The following ERC2 variants were observed in gnomAD, a reference collection of about 807,000 sequenced individuals.
ERC2 encodes ELKS/RAB6-interacting/CAST family member 2.
In ERC2, 42 loss-of-function variants were observed where a neutral mutation model predicts 114.8. The observed-to-expected ratio is 0.37, with a 90% CI of 0.29 to 0.47. The LOEUF is 0.47. Among genes scored for constraint, ERC2 ranks in the 20% least tolerant of loss-of-function variants. The pLI is 0.99. For synonymous variants in ERC2, 454 were observed against 425.5 expected (o/e 1.07, Z -0.82); for missense variants, 939 against 1,150.7 (o/e 0.82, Z 2.66).
intron 3 of ERC2, among the ~76,000 whole-genome samples, chr3:56,283,455 AC>A (rs1287693977): frequency 6.6e-6 from 1 of 152,068 alleles, no homozygotes; most frequent in Admixed American, 6.5e-5. Flanking sequence ...ACATAGTAAG[AC>A]CCCATCTAAA....
At chr3:55,937,349 A>AAAAAC (rs1303391543) in intron 13 of ERC2, among the ~76,000 whole-genome samples, 1 of 152,316 alleles carries the variant, frequency 6.6e-6, no homozygotes, top group East Asian at 1.9e-4. Context: ...ACTCCGTCTC[A>AAAAAC]AAAACAAAAC....
At chr3:55,760,590 T>A (rs1443168064) in intron 14 of ERC2, among the ~76,000 whole-genome samples, 1 of 152,174 alleles carries the variant, frequency 6.6e-6, no homozygotes, top group African/African-American at 2.4e-5. Flanking sequence ...ATATGTTGCT[T>A]TGCCAAGAGA....
intron 3 of ERC2, among the ~76,000 whole-genome samples, chr3:56,280,780 T>G (rs2054289779): frequency 6.6e-6 from 1 of 152,218 alleles, no homozygotes; most frequent in Non-Finnish European, 1.5e-5. Context: ...GAGTGACTAT[T>G]TCTACAGGCA....
At chr3:55,801,740 G>A (rs2071070981) in intron 14 of ERC2, among the ~76,000 whole-genome samples, 1 of 152,226 alleles carries the variant, frequency 6.6e-6, no homozygotes, top group Non-Finnish European at 1.5e-5. Context: ...GAAAATGTGG[G>A]ACCCTTGTTA....
intron 2 of ERC2, among the ~76,000 whole-genome samples, chr3:56,347,283 C>T (rs888887772): frequency 1.3e-5 from 2 of 152,162 alleles, no homozygotes; most frequent in African/African-American, 4.8e-5. Flanking sequence ...GCTACTGTCT[C>T]CCAGCTCCAA....
chr3:55,747,351 C>T (rs114895438), intron 14 of ERC2, among the ~76,000 whole-genome samples: 2,048 of 151,962 alleles, frequency 0.013, 49 homozygotes, highest in African/African-American at 0.046. Context: ...GAGTTTCTTC[C>T]AAATGAATGA....
intron 2 of ERC2, among the ~76,000 whole-genome samples, chr3:56,408,745 C>T (rs1199239653): frequency 1.3e-5 from 2 of 152,236 alleles, no homozygotes; most frequent in East Asian, 3.8e-4. Context: ...GGCTGGCAGG[C>T]TCCTTCAGAC....
At position 55,563,596 on chromosome 3, in the gene ERC2, A is replaced by T. The variant is rs73830651; in HGVS notation, c.*40-52320T>A. 5.2e-3 allele frequency among the ~76,000 whole-genome samples: 785 copies of T among 152,340 alleles called. 5 individuals are homozygous for T. Among genetic ancestry groups the T allele is most frequent in the African/African-American group, 0.017 (720 of 41,582 alleles). ...AACACTGAGAGAGAGAGACAGAGAC[A>T]GTGACAGAGGATCCCTTCAGAATCC... is the stretch of plus-strand genomic sequence containing the variant. On this transcript the variant is annotated intron_variant, in intron 17 of 17. Transcript: ENST00000288221.
At chr3:55,971,579 T>C (rs1411970002) in intron 12 of ERC2, among the ~76,000 whole-genome samples, 4 of 152,110 alleles carry the variant, frequency 2.6e-5, no homozygotes, top group Non-Finnish European at 5.9e-5. Context: ...TTGGACATCT[T>C]TCCATGTCAG....
intron 17 of ERC2, among the ~76,000 whole-genome samples, chr3:55,580,208 C>T (rs2057187014): frequency 6.6e-6 from 1 of 151,676 alleles, no homozygotes; most frequent in African/African-American, 2.4e-5. Flanking sequence ...ATGTAAATAC[C>T]ACTTGACAGC....
chr3:55,877,593 C>G (rs2062919571), intron 14 of ERC2, among the ~76,000 whole-genome samples: 1 of 151,066 alleles, frequency 6.6e-6, no homozygotes, highest in Non-Finnish European at 1.5e-5. Flanking sequence ...TTCACTGCAG[C>G]CTCAACCTCC....
At chr3:56,420,922 G>A (rs1456660274) in intron 2 of ERC2, among the ~76,000 whole-genome samples, 1 of 151,412 alleles carries the variant, frequency 6.6e-6, no homozygotes, top group African/African-American at 2.4e-5. Context: ...AAGAAAGAAA[G>A]AAAGAAACTA....
chr3:56,017,594 C>A (rs1305235946), intron 8 of ERC2, among the ~76,000 whole-genome samples: 1 of 152,140 alleles, frequency 6.6e-6, no homozygotes, highest in South Asian at 2.1e-4. Context: ...TCCACAAGGG[C>A]TCCTGGCTCA....
At chr3:55,703,859 A>G (rs555104246) in intron 15 of ERC2, among the ~76,000 whole-genome samples, 1 of 152,214 alleles carries the variant, frequency 6.6e-6, no homozygotes, top group African/African-American at 2.4e-5. Flanking sequence ...GAGTATGTGC[A>G]TAGCTTTGGA....
At chr3:56,206,842 C>G (rs997074255) in intron 3 of ERC2, among the ~76,000 whole-genome samples, 3 of 152,214 alleles carry the variant, frequency 2.0e-5, no homozygotes, top group African/African-American at 2.4e-5. Flanking sequence ...CATATCTTTA[C>G]TTAATTTCAC....
chr3:55,714,153 TA>T (rs1270564776), intron 15 of ERC2, among the ~76,000 whole-genome samples: 1 of 152,166 alleles, frequency 6.6e-6, no homozygotes, highest in Non-Finnish European at 1.5e-5. Context: ...TGGAGGTGGG[TA>T]AAATTCAGAA....
chr3:55,878,923 G>A (rs2062986646), intron 14 of ERC2, among the ~76,000 whole-genome samples: 1 of 152,090 alleles, frequency 6.6e-6, no homozygotes, highest in Non-Finnish European at 1.5e-5. Context: ...TCTATAATGA[G>A]CTATGAAACA....
At chr3:55,726,946 G>T (rs1381242916) in intron 15 of ERC2, among the ~76,000 whole-genome samples, 1 of 152,096 alleles carries the variant, frequency 6.6e-6, no homozygotes, top group Non-Finnish European at 1.5e-5. Flanking sequence ...GAAATAAGCT[G>T]GTTCTCATTT....
At chr3:56,415,129 C>T (rs552756856) in intron 2 of ERC2, among the ~76,000 whole-genome samples, 6 of 152,172 alleles carry the variant, frequency 3.9e-5, no homozygotes, top group Admixed American at 1.3e-4. Flanking sequence ...GTAGCAGAGC[C>T]AGAATTGGAC....
Sources: allele counts gnomAD v4.1 joint callset (sites outside exome capture counted in the v4.1 genomes callset), GRCh38; gene constraint gnomAD v4.1.1; transcripts MANE v1.5; gene names NCBI Gene and HGNC (gene_info 2026-07-23, HGNC 2026-07-21).